Variants in NRXN3 observed in about 807,000 individuals in gnomAD.
The protein encoded by NRXN3 is neurexin III.
Under a neutral mutation model 137.6 loss-of-function variants are expected in NRXN3, and 32 were observed. That is an observed-to-expected ratio of 0.23 (90% CI 0.18 to 0.31). The LOEUF is 0.31. Among genes scored for constraint, NRXN3 ranks in the 10% least tolerant of loss-of-function variants. NRXN3 has a pLI of 1.00. For synonymous variants in NRXN3, 798 were observed against 784.5 expected, an observed-to-expected ratio of 1.02 and a Z score of -0.29; for missense variants, 1,574 against 2,062.5, an observed-to-expected ratio of 0.76 and a Z score of 4.59.
At chr14:79,168,272 T>A (rs2061462873) in intron 15 of NRXN3, among the ~76,000 whole-genome samples, 2 of 152,070 alleles carry the variant, frequency 1.3e-5, no homozygotes, top group African/African-American at 4.8e-5. Flanking sequence ...CAAAATGGCT[T>A]TCTTGCCATC....
intron 15 of NRXN3, among the ~76,000 whole-genome samples, chr14:79,153,256 A>G (rs2059963931): frequency 6.6e-6 from 1 of 152,040 alleles, no homozygotes; most frequent in African/African-American, 2.4e-5. Context: ...CAAAACATTT[A>G]TCCATTTTCA....
intron 16 of NRXN3, among the ~76,000 whole-genome samples, chr14:79,494,817 A>G (rs1474583555): frequency 6.6e-6 from 1 of 152,198 alleles, no homozygotes; most frequent in Non-Finnish European, 1.5e-5. Context: ...TGTACAATAC[A>G]ATTTGCTCAG....
chr14:79,391,967 C>T (rs779325443), intron 15 of NRXN3, among the ~76,000 whole-genome samples: 8 of 152,130 alleles, frequency 5.3e-5, no homozygotes, highest in Non-Finnish European at 1.2e-4. Context: ...CAGTACTCAG[C>T]AGCTAATCTT....
chr14:79,717,489 C>T (rs1176747339), intron 19 of NRXN3, among the ~76,000 whole-genome samples: 1 of 152,202 alleles, frequency 6.6e-6, no homozygotes, highest in Non-Finnish European at 1.5e-5. Flanking sequence ...CAGTGAGAGA[C>T]TGGGTCAGGC....
intron 6 of NRXN3, among the ~76,000 whole-genome samples, chr14:78,686,580 A>T (rs997268293): frequency 6.6e-6 from 1 of 152,254 alleles, no homozygotes; most frequent in African/African-American, 2.4e-5. Context: ...GGTAATACTC[A>T]GCTAGCATAC....
intron 19 of NRXN3, among the ~76,000 whole-genome samples, chr14:79,783,782 A>T (rs1341323550): frequency 6.6e-6 from 1 of 152,202 alleles, no homozygotes; most frequent in Admixed American, 6.5e-5. Context: ...TTGCAGATTA[A>T]GCCTTAGCAC....
intron 15 of NRXN3, among the ~76,000 whole-genome samples, chr14:79,067,756 C>T (rs568125819): frequency 4.5e-4 from 68 of 151,976 alleles, no homozygotes; most frequent in Non-Finnish European, 7.7e-4. Context: ...AACTTTGTTA[C>T]CTTGGTAAAG....
intron 16 of NRXN3, among the ~76,000 whole-genome samples, chr14:79,606,339 G>C (rs1367860377): frequency 6.6e-6 from 1 of 152,228 alleles, no homozygotes; most frequent in African/African-American, 2.4e-5. Flanking sequence ...AAAAGCTTTA[G>C]AGTAATTTCT....
intron 15 of NRXN3, among the ~76,000 whole-genome samples, chr14:79,460,784 G>A (rs1310700527): frequency 6.6e-6 from 1 of 152,134 alleles, no homozygotes; most frequent in Non-Finnish European, 1.5e-5. Context: ...TTCTCATGAT[G>A]TACTTAACTG....
At chr14:79,667,374 A>G (rs2098566742) in intron 17 of NRXN3, among the ~76,000 whole-genome samples, 1 of 152,078 alleles carries the variant, frequency 6.6e-6, no homozygotes, top group African/African-American at 2.4e-5. Context: ...TCTCACTTGG[A>G]GAACATGCTC....
At position 79,769,881 on chromosome 14, in the gene NRXN3, C is replaced by G. The variant is rs2099070891; in HGVS notation, c.4015-35231C>G. On this transcript the variant is annotated intron_variant, in intron 19 of 20. Coordinates refer to ENST00000335750, the MANE Select transcript of NRXN3 (RefSeq NM_001330195.2). Reference sequence around the variant, plus strand: ...AGTGTGCTGTATTCAGGAAACCCATCTCACATGCAGAGACACACATAGGCT... The same window carrying G: ...AGTGTGCTGTATTCAGGAAACCCATGTCACATGCAGAGACACACATAGGCT... Among the ~76,000 whole-genome samples, 3 of 152,142 alleles carry G rather than the reference C, an allele frequency of 2.0e-5. No homozygotes were observed. In the East Asian group the frequency reaches 5.8e-4, roughly 29 times the overall value.
chr14:78,417,550 G>T (rs1294321325), intron 4 of NRXN3, among the ~76,000 whole-genome samples: 1 of 152,168 alleles, frequency 6.6e-6, no homozygotes, highest in African/African-American at 2.4e-5. Context: ...CTCCTTGAAG[G>T]CAGGAACCCA....
At position 78,709,591 on chromosome 14, in the gene NRXN3, C is replaced by T. The variant is rs2098387953; in HGVS notation, c.1596C>T (p.Ala532=). The T allele has an allele frequency of 6.2e-7, 1 of 1,613,908 alleles. No individual in the cohort carries two copies. The highest frequency in any genetic ancestry group is 1.1e-5 in the South Asian group (1 of 91,078). Residue 532 remains alanine (A), a synonymous_variant, in exon 7 of 21, where the codon GCC becomes GCT. Coordinates refer to ENST00000335750, the MANE Select transcript of NRXN3 (RefSeq NM_001330195.2). Reference sequence around the variant, plus strand: ...GCTCTGGCACCATCAAAGTGAAAGCCACTCAGAAGAAAGCCAATGATGGGG... The same window carrying T: ...GCTCTGGCACCATCAAAGTGAAAGCTACTCAGAAGAAAGCCAATGATGGGG... ...DMGSGTIKVK[A]TQKKANDGEW... is the part of the protein sequence containing the mutation.
At position 78,297,901 on chromosome 14, in the gene NRXN3, G is replaced by A. The variant is rs776517366; in HGVS notation, c.757+41G>A. ...TTGTGGTCCTGCAGCTGCCTGAACTGCTTGCCTCCGTGCCTCTGGCTGGTC... is the reference window on the plus strand; with the variant it reads ...TTGTGGTCCTGCAGCTGCCTGAACTACTTGCCTCCGTGCCTCTGGCTGGTC... On this transcript the variant is annotated intron_variant, in intron 4 of 20. Coordinates refer to ENST00000335750, the MANE Select transcript of NRXN3 (RefSeq NM_001330195.2). The A allele has an allele frequency of 2.6e-6, 4 of 1,535,292 alleles. No individual in the cohort carries two copies. In the Admixed American group the frequency reaches 7.9e-5, roughly 30 times the overall value.
chr14:79,801,226 C>T (rs1162848221), intron 19 of NRXN3, among the ~76,000 whole-genome samples: 1 of 152,182 alleles, frequency 6.6e-6, no homozygotes, highest in East Asian at 1.9e-4. Context: ...TGTCTAGATT[C>T]ACAGCCACTG....
chr14:79,275,581 C>T (rs1220695276), intron 15 of NRXN3, among the ~76,000 whole-genome samples: 1 of 152,100 alleles, frequency 6.6e-6, no homozygotes, highest in Admixed American at 6.5e-5. Flanking sequence ...TGATGCCTGA[C>T]ACATTTAAAT....
Position 79,228,399 on chromosome 14 carries a change from T to C in NRXN3, c.3263-238822T>C, listed in dbSNP as rs1488334557. Among the ~76,000 whole-genome samples, 3 of 152,244 alleles carry C rather than the reference T, an allele frequency of 2.0e-5. No homozygotes were observed. In the East Asian group the frequency reaches 5.8e-4, roughly 29 times the overall value. On this transcript the variant is annotated intron_variant, in intron 15 of 20. Transcript: ENST00000335750. ...AATCATTTGAGGAACTCTGTTAAAT[T>C]TTTTAAAAAGTGCATTAGGTTTAGA...
chr14:78,675,292 C>T (rs2097990357), intron 6 of NRXN3, among the ~76,000 whole-genome samples: 1 of 152,098 alleles, frequency 6.6e-6, no homozygotes, highest in Non-Finnish European at 1.5e-5. Flanking sequence ...CTTATAGCAA[C>T]AAAAGCCTGG....
chr14:79,142,349 C>T (rs1410513370), intron 15 of NRXN3, among the ~76,000 whole-genome samples: 1 of 151,828 alleles, frequency 6.6e-6, no homozygotes, highest in East Asian at 1.9e-4. Context: ...TTGCTTGAAC[C>T]CGGGAGGCAG....
Sources: allele counts gnomAD v4.1 joint callset (sites outside exome capture counted in the v4.1 genomes callset), GRCh38; gene constraint gnomAD v4.1.1; transcripts MANE v1.5; gene names NCBI Gene and HGNC (gene_info 2026-07-23, HGNC 2026-07-21).